The following SIPA1L3 variants were observed in gnomAD, a reference collection of about 807,000 sequenced individuals.
SIPA1L3 encodes the protein signal-induced proliferation-associated 1-like protein 3.
SIPA1L3 carries 59 observed loss-of-function variants against 150.1 expected under a neutral mutation model. The observed-to-expected ratio is 0.39, with a 90% CI of 0.32 to 0.49. SIPA1L3 has a LOEUF of 0.49. Ranked by LOEUF, SIPA1L3 falls within the 20% of genes least tolerant of loss-of-function variation. SIPA1L3 has a pLI of 0.86. For missense variants in SIPA1L3, 2,211 were observed against 2,489.5 expected, an observed-to-expected ratio of 0.89 and a Z score of 2.38; for synonymous variants, 1,070 against 1,077.6, an observed-to-expected ratio of 0.99 and a Z score of 0.14.
chr19:38,173,832 A>G (rs532630626), intron 15 of SIPA1L3, among the ~76,000 whole-genome samples: 1 of 152,276 alleles, frequency 6.6e-6, no homozygotes, highest in South Asian at 2.1e-4. Context: ...CCAGGCAGAG[A>G]TCTGCAGGGC....
chr19:38,070,969 G>T (rs1600002078), intron 2 of SIPA1L3, among the ~76,000 whole-genome samples: 2 of 152,154 alleles, frequency 1.3e-5, no homozygotes, highest in South Asian at 4.1e-4. Context: ...TGAACACCCA[G>T]GGGGTCCCTC....
At chr19:37,933,284 C>G (rs1368811499) in intron 1 of SIPA1L3, among the ~76,000 whole-genome samples, 1 of 152,032 alleles carries the variant, frequency 6.6e-6, no homozygotes, top group Non-Finnish European at 1.5e-5. Flanking sequence ...GCAACACTTC[C>G]CCTAGAATTC....
At chr19:38,193,510 C>A in intron 17 of SIPA1L3, 27 bp from the exon 18 acceptor site, 1 of 1,437,292 alleles carries the variant, frequency 7.0e-7, no homozygotes, top group Non-Finnish European at 9.1e-7. Context: ...CTGTGACCTC[C>A]CCCAACATCC....
At chr19:38,061,879 TTG>T (rs954802549) in intron 2 of SIPA1L3, among the ~76,000 whole-genome samples, 7 of 151,102 alleles carry the variant, frequency 4.6e-5, no homozygotes, top group African/African-American at 1.7e-4. Context: ...TTTTTGAGTT[TTG>T]TTTTTTTTTT....
chr19:38,072,036 C>G (rs943641952), intron 2 of SIPA1L3, among the ~76,000 whole-genome samples: 4 of 152,184 alleles, frequency 2.6e-5, no homozygotes, highest in Non-Finnish European at 5.9e-5. Context: ...ATTGGCGACA[C>G]ACGTTTAAAT....
chr19:38,062,891 G>T (rs1161681781), intron 2 of SIPA1L3, among the ~76,000 whole-genome samples: 2 of 152,142 alleles, frequency 1.3e-5, no homozygotes, highest in Non-Finnish European at 2.9e-5. Flanking sequence ...AAAGTGCTGG[G>T]ATTACGGCCT....
chr19:38,009,608 T>C (rs1968050845), intron 1 of SIPA1L3, among the ~76,000 whole-genome samples: 2 of 152,132 alleles, frequency 1.3e-5, no homozygotes, highest in African/African-American at 4.8e-5. Flanking sequence ...TCAACAGCCC[T>C]ATTGAGAGTG....
At chr19:38,076,333 C>T (rs1441898804) in intron 2 of SIPA1L3, among the ~76,000 whole-genome samples, 4 of 152,038 alleles carry the variant, frequency 2.6e-5, no homozygotes, top group Non-Finnish European at 5.9e-5. Flanking sequence ...AACACACTGC[C>T]AAGCCAAGAG....
chr19:38,204,143 G>A lies in SIPA1L3; in HGVS notation c.5137G>A (p.Asp1713Asn). ...TPTMSEEPPL[D>N]LTGKVYQLEV... ...TTTTTCCAGCGAGGAGCCACCCCTG[G>A]ATCTGACAGGCAAGGTGTACCAGCT... The change falls in exon 21 of 22, where the codon GAT becomes AAT. Residue 1713 changes from aspartate (D) to asparagine (N), a missense_variant. Around this residue, in one of 5 missense-constraint regions of SIPA1L3, gnomAD observed 63 missense variants for 106.1 expected, o/e 0.59. Transcript: ENST00000222345. 1 of 1,559,220 alleles carries A rather than the reference G, an allele frequency of 6.4e-7. No individual in the cohort carries two copies. The highest frequency in any genetic ancestry group is 8.7e-7 in the Non-Finnish European group (1 of 1,150,640).
At chr19:37,961,208 G>A (rs2046856021) in intron 1 of SIPA1L3, among the ~76,000 whole-genome samples, 1 of 150,194 alleles carries the variant, frequency 6.7e-6, no homozygotes, top group Admixed American at 6.6e-5. Context: ...CTTTAGTGAT[G>A]GGGATCTCGC....
chr19:38,054,921 G>A (rs1969283500), intron 2 of SIPA1L3, among the ~76,000 whole-genome samples: 1 of 152,178 alleles, frequency 6.6e-6, no homozygotes. Context: ...CCATGTTCCC[G>A]GGAGCCCCTG....
chr19:37,960,975 C>T (rs113402191), intron 1 of SIPA1L3, among the ~76,000 whole-genome samples: 1 of 151,894 alleles, frequency 6.6e-6, no homozygotes, highest in African/African-American at 2.4e-5. Flanking sequence ...TTGAAGGGAT[C>T]CTCCCGCCTC....
intron 1 of SIPA1L3, among the ~76,000 whole-genome samples, chr19:37,999,526 G>A (rs1178127453): frequency 3.3e-5 from 5 of 152,108 alleles, no homozygotes; most frequent in Admixed American, 6.5e-5. Context: ...AGCGCTGAAC[G>A]TGCTCTTCAT....
chr19:38,100,678 C>A (rs1365486588), intron 5 of SIPA1L3, among the ~76,000 whole-genome samples: 2 of 152,244 alleles, frequency 1.3e-5, no homozygotes, highest in Admixed American at 1.3e-4. Flanking sequence ...AAGGTATTGA[C>A]TATAAGCCTT....
At chr19:37,972,545 A>G (rs1371384874) in intron 1 of SIPA1L3, among the ~76,000 whole-genome samples, 2 of 152,084 alleles carry the variant, frequency 1.3e-5, no homozygotes, top group Non-Finnish European at 2.9e-5. Flanking sequence ...TCTACAAAAA[A>G]TTTAAAAACT....
intron 20 of SIPA1L3, 41 bp downstream of exon 20, chr19:38,202,038 A>T: frequency 1.3e-6 from 2 of 1,562,998 alleles, no homozygotes; most frequent in Non-Finnish European, 1.7e-6. Context: ...TACCAGCGGC[A>T]GGCCTGTGCA....
At chr19:38,179,675 A>G (rs1207077216) in intron 15 of SIPA1L3, among the ~76,000 whole-genome samples, 1 of 152,054 alleles carries the variant, frequency 6.6e-6, no homozygotes, top group Non-Finnish European at 1.5e-5. Flanking sequence ...TAGTATTGTC[A>G]TTATTGCCTT....
intron 10 of SIPA1L3, among the ~76,000 whole-genome samples, chr19:38,139,315 C>T (rs942041532): frequency 6.6e-6 from 1 of 152,126 alleles, no homozygotes; most frequent in African/African-American, 2.4e-5. Flanking sequence ...ATTGGTCAGG[C>T]CTGGGTCACA....
intron 1 of SIPA1L3, among the ~76,000 whole-genome samples, chr19:37,930,214 G>A (rs2046541656): frequency 6.6e-6 from 1 of 151,668 alleles, no homozygotes; most frequent in South Asian, 2.1e-4. Context: ...GTAGAGACGG[G>A]GTTTCACTGT....
Sources: allele counts gnomAD v4.1 joint callset (sites outside exome capture counted in the v4.1 genomes callset), GRCh38; gene constraint gnomAD v4.1.1; regional missense constraint gnomAD v4.1.1; transcripts MANE v1.5; gene names NCBI Gene and HGNC (gene_info 2026-07-23, HGNC 2026-07-21).